PLCB4: variants seen among roughly 807,000 people sequenced by gnomAD.
PLCB4 encodes the protein 1-phosphatidylinositol 4,5-bisphosphate phosphodiesterase beta-4.
In PLCB4, 77 loss-of-function variants were observed where a neutral mutation model predicts 178.8. The ratio of observed to expected loss-of-function variants is 0.43; its 90% CI spans 0.36 to 0.52. The LOEUF is 0.52. Among genes scored for constraint, PLCB4 ranks in the 20% least tolerant of loss-of-function variants. PLCB4 has a pLI of 0.00. For missense variants in PLCB4, 1,024 were observed against 1,453.4 expected, an observed-to-expected ratio of 0.70 and a Z score of 4.80; for synonymous variants, 496 against 490.8, an observed-to-expected ratio of 1.01 and a Z score of -0.14.
chr20:9,071,754 C>T lies in PLCB4; in HGVS notation c.-135+2548C>T, dbSNP rs59644466. 7.0e-3 allele frequency among the ~76,000 whole-genome samples: 1,070 copies of T among 152,288 alleles called. 10 individuals are homozygous for T. The highest frequency in any genetic ancestry group is 0.024 in the African/African-American group (1,006 of 41,558). ...TAAGAAAGATTTTGGATTTCTCATG[C>T]TCTCCACACTTAATAGTAAACTATT... is the stretch of plus-strand genomic sequence containing the variant. On this transcript the variant is annotated intron_variant, in intron 1 of 39. Transcript: ENST00000378473.
chr20:9,478,944 G>T lies in PLCB4; in HGVS notation c.3556G>T (p.Glu1186Ter). 1 of 1,613,680 alleles carries T rather than the reference G, an allele frequency of 6.2e-7. No individual in the cohort carries two copies. Among genetic ancestry groups the T allele is most frequent in the Non-Finnish European group, 8.5e-7 (1 of 1,179,668 alleles). Residue 1186 changes from glutamate (E) to a stop codon, truncating the protein, a stop_gained, in exon 40 of 40, where the codon GAA becomes TAA. Coordinates refer to ENST00000378473, the MANE Select transcript of PLCB4 (RefSeq NM_001377142.1). LOFTEE classifies it high-confidence loss of function. ...AGGCGAAGGAGATGCAGCAGATGGT[G>T]AAATTGGAAGCCGAGATGGACCGCA... ...TQGEGDAADG[E>*]IGSRDGPQTS...
At chr20:9,382,708 C>T (rs1426623295) in intron 13 of PLCB4, among the ~76,000 whole-genome samples, 1 of 152,212 alleles carries the variant, frequency 6.6e-6, no homozygotes, top group Non-Finnish European at 1.5e-5. Flanking sequence ...AGCATCCTGC[C>T]ATGCTTCATC....
intron 3 of PLCB4, among the ~76,000 whole-genome samples, chr20:9,252,596 T>G (rs144062439): frequency 1.1e-3 from 162 of 152,302 alleles, no homozygotes; most frequent in African/African-American, 3.7e-3. Flanking sequence ...ATGGTAAATT[T>G]TATATGTCAA....
intron 2 of PLCB4, among the ~76,000 whole-genome samples, chr20:9,124,083 C>T (rs936009885): frequency 6.6e-6 from 1 of 151,988 alleles, no homozygotes; most frequent in Non-Finnish European, 1.5e-5. Context: ...TTTTTTTCAG[C>T]TATTTAAATA....
intron 3 of PLCB4, among the ~76,000 whole-genome samples, chr20:9,299,480 T>C (rs966705687): frequency 2.0e-5 from 3 of 152,064 alleles, no homozygotes; most frequent in Non-Finnish European, 4.4e-5. Context: ...AATATGTGTA[T>C]AATATATAAC....
chr20:9,343,066 C>G (rs1239754448), intron 7 of PLCB4, among the ~76,000 whole-genome samples: 1 of 152,272 alleles, frequency 6.6e-6, no homozygotes, highest in Non-Finnish European at 1.5e-5. Context: ...GAGTCCAGCA[C>G]TCCCTGGGCA....
intron 2 of PLCB4, among the ~76,000 whole-genome samples, chr20:9,127,576 A>G (rs79963656): frequency 0.031 from 4,658 of 152,100 alleles, 87 homozygotes; most frequent in Non-Finnish European, 0.043. Context: ...GGGTTGTTAG[A>G]CACTTCAGGT....
chr20:9,289,708 C>G (rs563937246), intron 3 of PLCB4, among the ~76,000 whole-genome samples: 1 of 151,968 alleles, frequency 6.6e-6, no homozygotes, highest in Non-Finnish European at 1.5e-5. Context: ...AAGGAACTTT[C>G]GTCATGAGAA....
In PLCB4 at chr20:9,426,998, G is replaced by A. The variant is rs151149037; in HGVS notation, c.2524+3046G>A. Among the ~76,000 whole-genome samples the A allele has an allele frequency of 2.7e-3, 417 of 152,166 alleles. 1 individual carries two copies. Among genetic ancestry groups the A allele is most frequent in the Middle Eastern group, 0.01 (3 of 294 alleles). ...CCAGCACTTTGGGAGGCCGAGGCGC[G>A]TGGATCACATGAGGCCAAGAATTCA... is the stretch of plus-strand genomic sequence containing the variant. On this transcript the variant is annotated intron_variant, in intron 28 of 39. Coordinates refer to ENST00000378473, the MANE Select transcript of PLCB4 (RefSeq NM_001377142.1).
chr20:9,201,529 T>C (rs1056577650), intron 2 of PLCB4, among the ~76,000 whole-genome samples: 7 of 150,816 alleles, frequency 4.6e-5, no homozygotes, highest in African/African-American at 1.7e-4. Flanking sequence ...ATGTTATAAC[T>C]GTGTAAATTT....
intron 2 of PLCB4, among the ~76,000 whole-genome samples, chr20:9,134,862 G>C (rs147483284): frequency 1.1e-3 from 166 of 152,208 alleles, no homozygotes; most frequent in African/African-American, 3.7e-3. Flanking sequence ...AAATAGGAAA[G>C]CTAGAAATCG....
chr20:9,114,473 A>G (rs1390966231), intron 2 of PLCB4, among the ~76,000 whole-genome samples: 1 of 152,192 alleles, frequency 6.6e-6, no homozygotes, highest in African/African-American at 2.4e-5. Context: ...TGAGTGTGTC[A>G]GGGAGGGTAA....
At chr20:9,435,448 T>C in intron 28 of PLCB4, 112 bp from the exon 29 acceptor site, 1 of 633,620 alleles carries the variant, frequency 1.6e-6, no homozygotes. Flanking sequence ...GAAAAGATTA[T>C]TAACAGAAAG....
chr20:9,384,769 A>G (rs2037436091), intron 14 of PLCB4, among the ~76,000 whole-genome samples: 1 of 149,506 alleles, frequency 6.7e-6, no homozygotes, highest in African/African-American at 2.5e-5. Context: ...CTAACTGGCC[A>G]TTGATTATAG....
chr20:9,193,164 T>C (rs2093426825), intron 2 of PLCB4, among the ~76,000 whole-genome samples: 1 of 152,218 alleles, frequency 6.6e-6, no homozygotes, highest in Non-Finnish European at 1.5e-5. Context: ...GGGTTCCTTG[T>C]GAAGCAGACG....
intron 2 of PLCB4, among the ~76,000 whole-genome samples, chr20:9,179,447 A>G (rs917051858): frequency 6.6e-6 from 1 of 152,204 alleles, no homozygotes; most frequent in African/African-American, 2.4e-5. Flanking sequence ...TGATTCCTCT[A>G]GAGCCTCCTT....
At chr20:9,277,016 A>T (rs766976957) in intron 3 of PLCB4, among the ~76,000 whole-genome samples, 21 of 152,080 alleles carry the variant, frequency 1.4e-4, no homozygotes, top group Non-Finnish European at 2.8e-4. Flanking sequence ...GGTCATTTTA[A>T]TGGGGCCCCC....
At chr20:9,281,537 T>G (rs948343642) in intron 3 of PLCB4, among the ~76,000 whole-genome samples, 1 of 151,992 alleles carries the variant, frequency 6.6e-6, no homozygotes, top group Non-Finnish European at 1.5e-5. Flanking sequence ...TCAACTGAAC[T>G]GTAAAGCAAA....
intron 30 of PLCB4, among the ~76,000 whole-genome samples, chr20:9,438,525 T>C (rs1181406718): frequency 6.6e-6 from 1 of 152,126 alleles, no homozygotes; most frequent in Non-Finnish European, 1.5e-5. Flanking sequence ...GAGCTGCTTT[T>C]GGTAAGGAAG....
Sources: gnomAD v4.1 joint callset for allele counts (sites outside exome capture counted in the v4.1 genomes callset) on GRCh38, gnomAD v4.1.1 for gene constraint, MANE v1.5 for transcripts, NCBI Gene and HGNC (gene_info 2026-07-23, HGNC 2026-07-21) for gene names.